Variants in KIRREL3 observed in about 807,000 individuals in gnomAD.
KIRREL3 encodes kirre like nephrin family adhesion molecule 3.
KIRREL3 carries 36 observed loss-of-function variants against 89.7 expected under a neutral mutation model. The ratio of observed to expected loss-of-function variants is 0.40; its 90% CI spans 0.31 to 0.53. The LOEUF (loss-of-function observed/expected upper bound fraction) is 0.53, where lower values mean the gene tolerates loss of function less well. Ranked by LOEUF, KIRREL3 falls within the 20% of genes least tolerant of loss-of-function variation. KIRREL3 has a pLI of 0.49. For synonymous variants in KIRREL3, 445 were observed against 441.4 expected, an observed-to-expected ratio of 1.01 and a Z score of -0.10; for missense variants, 864 against 1,056.6, an observed-to-expected ratio of 0.82 and a Z score of 2.53.
intron 1 of KIRREL3, among the ~76,000 whole-genome samples, chr11:126,786,854 G>A (rs948031254): frequency 1.3e-5 from 2 of 152,170 alleles, no homozygotes; most frequent in African/African-American, 4.8e-5. Context: ...TAACAGGGCT[G>A]AAGCTACTGG....
chr11:126,663,723 A>G (rs1945527120), intron 1 of KIRREL3, among the ~76,000 whole-genome samples: 1 of 152,216 alleles, frequency 6.6e-6, no homozygotes, highest in Non-Finnish European at 1.5e-5. Context: ...TTAGATTTGT[A>G]GCCTCTGAAC....
chr11:126,920,633 A>G (rs918716978), intron 1 of KIRREL3: 9 of 152,120 alleles, frequency 5.9e-5, no homozygotes, highest in African/African-American at 1.9e-4. Context: ...ATGTTTTAAG[A>G]CAGATATGTT....
rs1351199587 is a variant in KIRREL3 at position 126,643,918 on chromosome 11, C to T, written c.56-81006G>A. 6.6e-6 allele frequency among the ~76,000 whole-genome samples: 1 copy of T among 152,154 alleles called. No homozygotes were observed. The highest frequency in any genetic ancestry group is 1.5e-5 in the Non-Finnish European group (1 of 68,032). On this transcript the variant is annotated intron_variant, in intron 1 of 16. Coordinates refer to ENST00000525144, the MANE Select transcript of KIRREL3 (RefSeq NM_032531.4). This position sits in a 1 kb window ranked among gnomAD's most constrained non-coding sequence, Gnocchi z 4.5. ...CATGATGTCAACTCTAGCTCGAGAACACAGAGAAAAGGCAAGAGTTTTTGC... is the reference window on the plus strand; with the variant it reads ...CATGATGTCAACTCTAGCTCGAGAATACAGAGAAAAGGCAAGAGTTTTTGC...
In KIRREL3 at chr11:126,918,723, C is replaced by G. The variant is rs1036880435; in HGVS notation, c.55+81732G>C. Among the ~76,000 whole-genome samples the G allele has an allele frequency of 6.6e-6, 1 of 152,166 alleles. No homozygotes were observed. The highest frequency in any genetic ancestry group is 1.5e-5 in the Non-Finnish European group (1 of 68,036). On this transcript the variant is annotated intron_variant, in intron 1 of 16. Coordinates refer to ENST00000525144, the MANE Select transcript of KIRREL3 (RefSeq NM_032531.4). The surrounding 1 kb of genome is among the most constrained non-coding windows in gnomAD (Gnocchi z 6.5). ...ACATTACTAATCAAGGATAGTTCCC[C>G]TTTTCAAAATCTTTTCCTGCATTGG... is the stretch of plus-strand genomic sequence containing the variant.
rs1417261734 is a variant in KIRREL3, at chr11:126,471,733, T to A, written c.591+1576A>T. Among the ~76,000 whole-genome samples the A allele has an allele frequency of 6.6e-6, 1 of 152,146 alleles. No individual in the cohort carries two copies. Among genetic ancestry groups the A allele is most frequent in the Non-Finnish European group, 1.5e-5 (1 of 68,030 alleles). On this transcript the variant is annotated intron_variant, in intron 5 of 16. Coordinates refer to ENST00000525144, the MANE Select transcript of KIRREL3 (RefSeq NM_032531.4). The surrounding 1 kb of genome is among the most constrained non-coding windows in gnomAD (Gnocchi z 5.4). ...GGCTGTGGGGGCCTGGGCTCTGGAT[T>A]GGTTGGTCTGCTTTGATATAAAGCC...
intron 1 of KIRREL3, among the ~76,000 whole-genome samples, chr11:126,745,431 A>G (rs1242882515): frequency 1.3e-5 from 2 of 152,102 alleles, no homozygotes; most frequent in Non-Finnish European, 2.9e-5. Flanking sequence ...CTGAGCTAAG[A>G]AAGATTAGTG....
chr11:126,865,474 G>A (rs1944888653), intron 1 of KIRREL3, among the ~76,000 whole-genome samples: 1 of 152,230 alleles, frequency 6.6e-6, no homozygotes, highest in Non-Finnish European at 1.5e-5. Flanking sequence ...GGTTATCGAA[G>A]CAACAATGCC....
chr11:126,761,944 C>T lies in KIRREL3; in HGVS notation c.56-199032G>A, dbSNP rs540137671. Among the ~76,000 whole-genome samples, 5 of 152,116 alleles carry T rather than the reference C, an allele frequency of 3.3e-5. No individual in the cohort carries two copies. Among genetic ancestry groups the T allele is most frequent in the South Asian group, 2.1e-4 (1 of 4,798 alleles). On this transcript the variant is annotated intron_variant, in intron 1 of 16. Transcript: ENST00000525144. This position sits in a 1 kb window ranked among gnomAD's most constrained non-coding sequence, Gnocchi z 4.4. ...CTGTAATCCCAACACTTTGGGAGGC[C>T]GAGGGGGGCAGATCACCTGAGGTCA... is the stretch of plus-strand genomic sequence containing the variant.
chr11:126,457,961 T>C (rs993495031), intron 6 of KIRREL3, among the ~76,000 whole-genome samples: 25 of 152,188 alleles, frequency 1.6e-4, no homozygotes, highest in Non-Finnish European at 3.7e-4. Flanking sequence ...CAGCTGGCTC[T>C]GGATCCTCTC....
intron 1 of KIRREL3, among the ~76,000 whole-genome samples, chr11:126,881,167 C>T (rs1939988): frequency 0.63 from 95,975 of 152,086 alleles, 32,266 homozygotes; most frequent in African/African-American, 0.87. Context: ...GTCACTGTAA[C>T]GTACCTAATA....
chr11:126,863,288 A>G (rs1044888847), intron 1 of KIRREL3, among the ~76,000 whole-genome samples: 1 of 152,146 alleles, frequency 6.6e-6, no homozygotes, highest in Non-Finnish European at 1.5e-5. Flanking sequence ...GCTCAGGAAA[A>G]GACAGCACAG....
chr11:126,841,194 G>A (rs1256491661), intron 1 of KIRREL3, among the ~76,000 whole-genome samples: 2 of 152,208 alleles, frequency 1.3e-5, no homozygotes, highest in East Asian at 3.9e-4. Flanking sequence ...CAGATAAAGG[G>A]GTCTACTGTC....
rs2134866043 is a variant in KIRREL3 at position 126,905,174 on chromosome 11, C to T, written c.55+95281G>A. ...TGCAGAGGAGGAACGGGGCTTGATTCCATGGCTTCCCTACTTGAAGGCAGG... is the reference window on the plus strand; with the variant it reads ...TGCAGAGGAGGAACGGGGCTTGATTTCATGGCTTCCCTACTTGAAGGCAGG... On this transcript the variant is annotated intron_variant, in intron 1 of 16. Transcript: ENST00000525144. This position sits in a 1 kb window ranked among gnomAD's most constrained non-coding sequence, Gnocchi z 5.0. 6.6e-6 allele frequency among the ~76,000 whole-genome samples: 1 copy of T among 152,212 alleles called. No individual in the cohort carries two copies. Among genetic ancestry groups the T allele is most frequent in the Admixed American group, 6.5e-5 (1 of 15,290 alleles).
rs1470550640 is a variant in KIRREL3, at chr11:126,689,044, G to A, written c.56-126132C>T. ...GTGTGTGTGTGTAAGGGGGAGAGAAGAGAGAGAGAGAGAGAGAGAGAGAGA... is the reference window on the plus strand; with the variant it reads ...GTGTGTGTGTGTAAGGGGGAGAGAAAAGAGAGAGAGAGAGAGAGAGAGAGA... On this transcript the variant is annotated intron_variant, in intron 1 of 16. Coordinates refer to ENST00000525144, the MANE Select transcript of KIRREL3 (RefSeq NM_032531.4). The surrounding 1 kb of genome is among the most constrained non-coding windows in gnomAD (Gnocchi z 5.2). 3.2e-4 allele frequency among the ~76,000 whole-genome samples: 34 copies of A among 105,410 alleles called. No homozygotes were observed. Among genetic ancestry groups the A allele is most frequent in the African/African-American group, 1.6e-3 (33 of 21,250 alleles). 69.2% of individuals were successfully genotyped at this position (105,410 alleles called of 152,430 possible). A position where few individuals can be genotyped will look rare whatever the true frequency, so the allele number is the denominator to read the frequency against.
chr11:126,526,504 C>T lies in KIRREL3; in HGVS notation c.283+34G>A, dbSNP rs1241738877. ...ATGGGTGAGTAAGGAAGTGATGGCC[C>T]CAGGCCCACCCCAGGAGGTCTGGAG... On this transcript the variant is annotated intron_variant, in intron 3 of 16. Coordinates refer to ENST00000525144, the MANE Select transcript of KIRREL3 (RefSeq NM_032531.4). This position sits in a 1 kb window ranked among gnomAD's most constrained non-coding sequence, Gnocchi z 5.7. 2.5e-6 allele frequency: 4 copies of T among 1,594,056 alleles called. No individual in the cohort carries two copies. The highest frequency in any genetic ancestry group is 1.7e-5 in the Admixed American group (1 of 59,268).
intron 1 of KIRREL3, among the ~76,000 whole-genome samples, chr11:126,845,305 A>T (rs1217973182): frequency 1.3e-5 from 2 of 152,208 alleles, no homozygotes; most frequent in African/African-American, 4.8e-5. Context: ...TGCTGGCAAA[A>T]GGGTAAGAAC....
In KIRREL3 at chr11:126,622,188, G is replaced by T. The variant is rs1419863606; in HGVS notation, c.56-59276C>A. ...ACAAGGTGTTTTACATACAGTAATT[G>T]TTCACTTGCTAAATCAGCCAGTAGA... On this transcript the variant is annotated intron_variant, in intron 1 of 16. Coordinates refer to ENST00000525144, the MANE Select transcript of KIRREL3 (RefSeq NM_032531.4). This position sits in a 1 kb window ranked among gnomAD's most constrained non-coding sequence, Gnocchi z 5.2. Among the ~76,000 whole-genome samples, 1 of 152,216 alleles carries T rather than the reference G, an allele frequency of 6.6e-6. No individual in the cohort carries two copies. Among genetic ancestry groups the T allele is most frequent in the Non-Finnish European group, 1.5e-5 (1 of 68,038 alleles).
At position 126,872,519 on chromosome 11, in the gene KIRREL3, T is replaced by G. The variant is rs1945140532; in HGVS notation, c.55+127936A>C. On this transcript the variant is annotated intron_variant, in intron 1 of 16. Coordinates refer to ENST00000525144, the MANE Select transcript of KIRREL3 (RefSeq NM_032531.4). This position sits in a 1 kb window ranked among gnomAD's most constrained non-coding sequence, Gnocchi z 4.2. ...TCTCCCCATTGGATTATTTCCTGGG[T>G]GAAGCCAAGAACCCTCCCGGACTAA... Among the ~76,000 whole-genome samples the G allele has an allele frequency of 6.6e-6, 1 of 152,206 alleles. No homozygotes were observed.
In KIRREL3 at chr11:126,894,792, C is replaced by G. The variant is rs899875316; in HGVS notation, c.55+105663G>C. ...AATCGTGTTAAGTATAATAAAGAGG[C>G]TCCAGATGCTATGAAGGAATAGTGG... is the stretch of plus-strand genomic sequence containing the variant. On this transcript the variant is annotated intron_variant, in intron 1 of 16. Transcript: ENST00000525144. Among the ~76,000 whole-genome samples the G allele has an allele frequency of 7.4e-4, 113 of 151,932 alleles. 2 individuals carry two copies. The highest frequency in any genetic ancestry group is 7.3e-3 in the Admixed American group (112 of 15,268).
Sources: gnomAD v4.1 joint callset for allele counts (sites outside exome capture counted in the v4.1 genomes callset) on GRCh38, gnomAD v4.1.1 for gene constraint, Gnocchi (gnomAD v3.1) non-coding constraint, MANE v1.5 for transcripts, NCBI Gene and HGNC (gene_info 2026-07-23, HGNC 2026-07-21) for gene names.